The following MBNL1 variants were observed in gnomAD, a reference collection of about 807,000 sequenced individuals.
MBNL1 encodes the protein muscleblind-like protein 1.
Under a neutral mutation model 42.2 loss-of-function variants are expected in MBNL1, and 8 were observed. That is an observed-to-expected ratio of 0.19 (90% CI 0.11 to 0.34). The LOEUF (loss-of-function observed/expected upper bound fraction) is 0.34, where lower values mean the gene tolerates loss of function less well. Among genes scored for constraint, MBNL1 ranks in the 10% least tolerant of loss-of-function variants. The pLI is 1.00. For synonymous variants in MBNL1, 169 were observed against 173.9 expected, an observed-to-expected ratio of 0.97 and a Z score of 0.22; for missense variants, 309 against 495.3, an observed-to-expected ratio of 0.62 and a Z score of 3.57.
intron 2 of MBNL1, among the ~76,000 whole-genome samples, chr3:152,307,840 G>A (rs1308650636): frequency 6.6e-6 from 1 of 152,088 alleles, no homozygotes; most frequent in Non-Finnish European, 1.5e-5. Flanking sequence ...TTATAGTACA[G>A]GGCCTAAAAC....
intron 2 of MBNL1, among the ~76,000 whole-genome samples, chr3:152,384,357 G>A (rs983891716): frequency 6.6e-6 from 1 of 151,942 alleles, no homozygotes; most frequent in African/African-American, 2.4e-5. Flanking sequence ...GCTGCTTCTG[G>A]GTTTTTGCCT....
intron 2 of MBNL1, among the ~76,000 whole-genome samples, chr3:152,389,946 G>A (rs928306767): frequency 1.5e-4 from 23 of 151,886 alleles, no homozygotes; most frequent in African/African-American, 5.6e-4. Context: ...CACGATCTCA[G>A]CTCACTGCAA....
At chr3:152,460,766 T>C (rs1387735564) in intron 9 of MBNL1, among the ~76,000 whole-genome samples, 1 of 152,214 alleles carries the variant, frequency 6.6e-6, no homozygotes, top group African/African-American at 2.4e-5. Flanking sequence ...GAAAGAGACA[T>C]TACATTTAAA....
intron 6 of MBNL1, among the ~76,000 whole-genome samples, chr3:152,453,776 T>G (rs1014743672): frequency 3.9e-5 from 6 of 152,162 alleles, no homozygotes; most frequent in African/African-American, 1.4e-4. Flanking sequence ...TCATAATAGC[T>G]TTAGGATTTT....
upstream of MBNL1, chr3:152,266,809 C>A (rs2037304870): frequency 3.3e-5 from 5 of 152,436 alleles, no homozygotes; most frequent in South Asian, 1.0e-3. Context: ...AGTCATTTTT[C>A]CAGTCTGTCC....
At chr3:152,454,533 T>A (rs1729904983) in intron 6 of MBNL1, among the ~76,000 whole-genome samples, 1 of 152,342 alleles carries the variant, frequency 6.6e-6, no homozygotes, top group South Asian at 2.1e-4. Flanking sequence ...AAGTGCCTTG[T>A]ACTTGGTAAA....
intron 2 of MBNL1, among the ~76,000 whole-genome samples, chr3:152,366,414 C>G (rs1176735665): frequency 1.3e-5 from 2 of 152,100 alleles, no homozygotes; most frequent in Non-Finnish European, 2.9e-5. Flanking sequence ...TCTTATTTTG[C>G]TGTGTGAGTC....
chr3:152,391,701 C>T (rs1001710852), intron 2 of MBNL1, among the ~76,000 whole-genome samples: 1 of 152,106 alleles, frequency 6.6e-6, no homozygotes, highest in African/African-American at 2.4e-5. Flanking sequence ...GTGATATTTC[C>T]TATAGAAAAC....
At chr3:152,314,136 TAGA>T (rs1392323599) in intron 2 of MBNL1, among the ~76,000 whole-genome samples, 3 of 152,218 alleles carry the variant, frequency 2.0e-5, no homozygotes, top group East Asian at 1.9e-4. Context: ...CTGCACAGAT[TAGA>T]AGGTTAAATA....
intron 2 of MBNL1, among the ~76,000 whole-genome samples, chr3:152,376,829 T>C (rs1579030550): frequency 6.6e-6 from 1 of 152,120 alleles, no homozygotes; most frequent in Middle Eastern, 3.4e-3. Context: ...CACACACACA[T>C]ACATATATAT....
At position 152,393,646 on chromosome 3, in the gene MBNL1, A is replaced by C. The variant is rs547604492; in HGVS notation, c.175-21295A>C. Among the ~76,000 whole-genome samples the C allele has an allele frequency of 1.5e-4, 23 of 152,294 alleles. No homozygotes were observed. The East Asian group carries it at 4.4e-3, about 29-fold the overall frequency. ...CCTTCCATTAATGTCTTCTATAGCT[A>C]GCTTTCTTTACCAGTTGGAATTGCA... On this transcript the variant is annotated intron_variant, in intron 2 of 9. Transcript: ENST00000324210.
rs566934808 is a variant in MBNL1 at position 152,461,867 on chromosome 3, A to T, written c.*19-518A>T. Among the ~76,000 whole-genome samples, 48 of 152,276 alleles carry T rather than the reference A, an allele frequency of 3.2e-4. 1 individual carries two copies. In the Middle Eastern group the frequency reaches 0.01, roughly 32 times the overall value. On this transcript the variant is annotated intron_variant, in intron 9 of 9. Coordinates refer to ENST00000324210, the MANE Select transcript of MBNL1 (RefSeq NM_021038.5). ...TATTTTCTTAGTTTTAGGTGAAAAA[A>T]GTTCAACAAACTGAATTACCCAAAG...
intron 2 of MBNL1, among the ~76,000 whole-genome samples, chr3:152,303,382 T>G (rs1258199852): frequency 6.6e-6 from 1 of 152,178 alleles, no homozygotes; most frequent in Non-Finnish European, 1.5e-5. Flanking sequence ...CAATTGCAGT[T>G]TTAATTTATA....
intron 2 of MBNL1, chr3:152,340,337 C>T: frequency 3.1e-6 from 2 of 635,082 alleles, no homozygotes; most frequent in Non-Finnish European, 5.2e-6. Flanking sequence ...ATAATATCAA[C>T]ATGCAAAAAC....
At chr3:152,315,891 C>CCT (rs919790844) in intron 2 of MBNL1, among the ~76,000 whole-genome samples, 2 of 150,888 alleles carry the variant, frequency 1.3e-5, no homozygotes, top group African/African-American at 4.9e-5. Context: ...CTCTCTCACT[C>CCT]CTCTCTCTCT....
chr3:152,358,035 CTG>C (rs890048614), intron 2 of MBNL1, among the ~76,000 whole-genome samples: 2 of 152,026 alleles, frequency 1.3e-5, no homozygotes, highest in African/African-American at 2.4e-5. Flanking sequence ...GTATCTGTGT[CTG>C]TGTGTGTATA....
At chr3:152,260,763 T>C (rs1198304357) in intron 2 of MBNL1, among the ~76,000 whole-genome samples, 1 of 152,226 alleles carries the variant, frequency 6.6e-6, no homozygotes, top group African/African-American at 2.4e-5. Flanking sequence ...TATCTGTTTT[T>C]AATCCTATGG....
intron 2 of MBNL1, chr3:152,341,006 C>T (rs751599102): frequency 1.8e-5 from 24 of 1,340,420 alleles, no homozygotes; most frequent in Admixed American, 5.7e-5. Context: ...ACAAACTGTA[C>T]GATGCTTATT....
rs1223442699 is a variant in MBNL1, at chr3:152,465,118, TAGC to T, written c.*2755_*2757del. ...TCTGCCTGAAGATCATTACCAAAAA[TAGC>T]AGGTACTTCTACCATTAAGGTGAAA... On this transcript the variant is annotated 3_prime_UTR_variant, in exon 10 of 10. Transcript: ENST00000324210. The T allele has an allele frequency of 5.2e-5, 8 of 152,404 alleles. No homozygotes were observed. The highest frequency in any genetic ancestry group is 4.4e-5 in the Non-Finnish European group (3 of 68,030). The allele number at this position is 152,404 out of a possible 1,614,324, so 9.4% of individuals were successfully genotyped here.
Sources: gnomAD v4.1 joint callset for allele counts (sites outside exome capture counted in the v4.1 genomes callset) on GRCh38, gnomAD v4.1.1 for gene constraint, MANE v1.5 for transcripts, NCBI Gene and HGNC (gene_info 2026-07-23, HGNC 2026-07-21) for gene names.